PPFIA2: variants seen among roughly 807,000 people sequenced by gnomAD.
PPFIA2 encodes PPFI scaffold protein A2.
In PPFIA2, 46 loss-of-function variants were observed where a neutral mutation model predicts 175.5. The observed-to-expected ratio is 0.26, with a 90% CI of 0.21 to 0.34. PPFIA2 has a LOEUF of 0.34. PPFIA2 is among the 10% of genes least tolerant of loss of function. The pLI is 1.00. For missense variants in PPFIA2, 1,179 were observed against 1,506.1 expected, an observed-to-expected ratio of 0.78 and a Z score of 3.60; for synonymous variants, 568 against 511.4, an observed-to-expected ratio of 1.11 and a Z score of -1.49.
intron 24 of PPFIA2, chr12:81,292,526 T>C (rs933033637): frequency 1.3e-5 from 2 of 152,154 alleles, no homozygotes; most frequent in African/African-American, 4.8e-5. Flanking sequence ...TAATGAATAG[T>C]AAATATAATT....
intron 7 of PPFIA2, among the ~76,000 whole-genome samples, chr12:81,416,999 A>T (rs1298207842): frequency 1.3e-5 from 2 of 151,790 alleles, no homozygotes; most frequent in Non-Finnish European, 3.0e-5. Flanking sequence ...ATATATGACT[A>T]AAAGTTTATA....
intron 6 of PPFIA2, among the ~76,000 whole-genome samples, chr12:81,440,437 T>G (rs1428067190): frequency 6.6e-6 from 1 of 152,188 alleles, no homozygotes; most frequent in Non-Finnish European, 1.5e-5. Context: ...CACCTTTTTC[T>G]CTACTTCTGT....
chr12:81,566,178 G>C (rs2071237540), intron 4 of PPFIA2, among the ~76,000 whole-genome samples: 1 of 152,086 alleles, frequency 6.6e-6, no homozygotes, highest in Non-Finnish European at 1.5e-5. Flanking sequence ...CTAGGCAAGA[G>C]GACCCAGTAA....
chr12:81,440,341 G>A (rs895129634), intron 6 of PPFIA2, among the ~76,000 whole-genome samples: 3 of 152,068 alleles, frequency 2.0e-5, no homozygotes, highest in African/African-American at 7.2e-5. Context: ...TTCATAGTAA[G>A]TGGAGACAAA....
chr12:81,538,959 T>C (rs2065814507), intron 4 of PPFIA2, among the ~76,000 whole-genome samples: 1 of 151,876 alleles, frequency 6.6e-6, no homozygotes, highest in Non-Finnish European at 1.5e-5. Context: ...GATATGTAGT[T>C]AGAGGACTAT....
chr12:81,455,743 T>C (rs1451916220), intron 5 of PPFIA2, among the ~76,000 whole-genome samples: 1 of 152,212 alleles, frequency 6.6e-6, no homozygotes, highest in South Asian at 2.1e-4. Context: ...CCTCTCTAGC[T>C]GTAGTAAGTC....
At chr12:81,491,482 G>A (rs1164702048) in intron 4 of PPFIA2, among the ~76,000 whole-genome samples, 1 of 151,876 alleles carries the variant, frequency 6.6e-6, no homozygotes, top group Non-Finnish European at 1.5e-5. Flanking sequence ...AAATTCATTT[G>A]TTGAAGCCCT....
intron 3 of PPFIA2, among the ~76,000 whole-genome samples, chr12:81,698,751 T>A (rs1326863427): frequency 1.5e-5 from 2 of 134,788 alleles, no homozygotes; most frequent in East Asian, 4.1e-4. Context: ...TTTCAACCTA[T>A]CTAGTCCTTT....
At position 81,535,374 on chromosome 12, in the gene PPFIA2, C is replaced by G. The variant is rs932805922; in HGVS notation, c.304-77508G>C. 3 of 455,122 alleles carry G rather than the reference C, an allele frequency of 6.6e-6. No homozygotes were observed. In the Admixed American group the frequency reaches 7.1e-5, roughly 11 times the overall value. The allele number at this position is 455,122 out of a possible 1,614,324, so 28.2% of individuals were successfully genotyped here. A position where few individuals can be genotyped will look rare whatever the true frequency, so the allele number is the denominator to read the frequency against. Reference sequence around the variant, plus strand: ...TTGGCAAAGGCCAGATCTATAGTCACCAGCACTGGATTTCAGAACAACACT... The same window carrying G: ...TTGGCAAAGGCCAGATCTATAGTCAGCAGCACTGGATTTCAGAACAACACT... On this transcript the variant is annotated intron_variant, in intron 4 of 32. Coordinates refer to ENST00000549396, the MANE Select transcript of PPFIA2 (RefSeq NM_003625.5).
At chr12:81,590,711 CCA>C (rs2058577048) in intron 4 of PPFIA2, among the ~76,000 whole-genome samples, 1 of 151,966 alleles carries the variant, frequency 6.6e-6, no homozygotes, top group Non-Finnish European at 1.5e-5. Flanking sequence ...GTTTCCCTGC[CCA>C]AGCTCTCTCT....
intron 4 of PPFIA2, among the ~76,000 whole-genome samples, chr12:81,567,120 C>A (rs533856211): frequency 6.6e-6 from 1 of 152,334 alleles, no homozygotes; most frequent in East Asian, 1.9e-4. Context: ...AATCTCGGCT[C>A]ACTGCAAGCT....
intron 22 of PPFIA2, among the ~76,000 whole-genome samples, chr12:81,301,210 C>T (rs2047749445): frequency 1.3e-5 from 2 of 151,830 alleles, no homozygotes; most frequent in African/African-American, 4.8e-5. Context: ...ACATGAAATA[C>T]GTGGAAGAAA....
chr12:81,482,350 A>C lies in PPFIA2; in HGVS notation c.304-24484T>G, dbSNP rs538673980. 4.6e-5 allele frequency among the ~76,000 whole-genome samples: 7 copies of C among 152,334 alleles called. No individual in the cohort carries two copies. The South Asian group carries it at 1.5e-3, about 32-fold the overall frequency. ...TGTGGCAATTCCTCAAGGATCTAGA[A>C]CCAGAAATATCATTTGATCCAGCAA... is the stretch of plus-strand genomic sequence containing the variant. On this transcript the variant is annotated intron_variant, in intron 4 of 32. Transcript: ENST00000549396.
chr12:81,268,478 T>C (rs192276709), intron 28 of PPFIA2, among the ~76,000 whole-genome samples: 5 of 152,310 alleles, frequency 3.3e-5, no homozygotes, highest in African/African-American at 1.2e-4. Flanking sequence ...AAATGAGCCA[T>C]GGGTATCTGG....
rs1298479794 is a variant in PPFIA2, at chr12:81,325,770, A to G, written c.2642+7T>C. 2 of 1,604,712 alleles carry G rather than the reference A, an allele frequency of 1.2e-6. No homozygotes were observed. Among genetic ancestry groups the G allele is most frequent in the Non-Finnish European group, 1.7e-6 (2 of 1,172,328 alleles). ...TTAGAAAAAGAGGGAAAAATCCCCAAACCTACTTTTTCTTTAGTCTTCGAT... is the reference window on the plus strand; with the variant it reads ...TTAGAAAAAGAGGGAAAAATCCCCAGACCTACTTTTTCTTTAGTCTTCGAT... On this transcript the variant is annotated splice_region_variant and intron_variant, in intron 22 of 32. Transcript: ENST00000549396.
chr12:81,405,752 C>T (rs2042822703), intron 8 of PPFIA2, 35 bp downstream of exon 8: 2 of 1,172,722 alleles, frequency 1.7e-6, no homozygotes, highest in Non-Finnish European at 2.4e-6. Context: ...AAGAAGTAAA[C>T]ATTTCCATGT....
intron 22 of PPFIA2, among the ~76,000 whole-genome samples, chr12:81,308,261 C>T (rs891371336): frequency 6.6e-6 from 1 of 152,128 alleles, no homozygotes; most frequent in African/African-American, 2.4e-5. Context: ...GGCTTTGGAT[C>T]ACACAAAACA....
chr12:81,560,091 GAATAA>G (rs1423242040), intron 4 of PPFIA2, among the ~76,000 whole-genome samples: 51 of 152,144 alleles, frequency 3.4e-4, no homozygotes, highest in Non-Finnish European at 5.3e-4. Flanking sequence ...CTGTGATCCT[GAATAA>G]TACAGGTACT....
At chr12:81,624,394 A>T (rs2062430343) in intron 4 of PPFIA2, among the ~76,000 whole-genome samples, 1 of 147,898 alleles carries the variant, frequency 6.8e-6, no homozygotes, top group South Asian at 2.1e-4. Context: ...ATATATACTG[A>T]TTTTATATTT....
Sources: allele counts gnomAD v4.1 joint callset (sites outside exome capture counted in the v4.1 genomes callset), GRCh38; gene constraint gnomAD v4.1.1; transcripts MANE v1.5; gene names NCBI Gene and HGNC (gene_info 2026-07-23, HGNC 2026-07-21).